Variants in TPRG1 observed in about 807,000 individuals in gnomAD.
The protein encoded by TPRG1 is tumor protein p63-regulated gene 1 protein.
A neutral mutation model predicts 29.3 loss-of-function variants in TPRG1; 29 were observed. That is an observed-to-expected ratio of 0.99 (90% confidence interval 0.74 to 1.35). TPRG1 has a LOEUF of 1.35. TPRG1 is among the 40% of genes most tolerant of loss of function. The pLI is 0.00. For missense variants in TPRG1, 327 were observed against 335.0 expected (o/e 0.98, Z 0.19); for synonymous variants, 130 against 116.8 (o/e 1.11, Z -0.73).
At chr3:189,114,271 GT>G (rs1183061862) in intron 1 of TPRG1, among the ~76,000 whole-genome samples, 1 of 65,604 alleles carries the variant, frequency 1.5e-5, no homozygotes, top group Non-Finnish European at 2.5e-5. Flanking sequence ...GATGTTGCTT[GT>G]TTGTTTGTTT....
chr3:189,304,328 A>G (rs1463260767), intron 4 of TPRG1, among the ~76,000 whole-genome samples: 1 of 152,142 alleles, frequency 6.6e-6, no homozygotes, highest in East Asian at 1.9e-4. Flanking sequence ...AGGCCTTCTA[A>G]TTCTCACTCA....
intron 1 of TPRG1, among the ~76,000 whole-genome samples, chr3:189,179,409 T>C (rs1205503499): frequency 6.6e-6 from 1 of 152,186 alleles, no homozygotes; most frequent in African/African-American, 2.4e-5. Context: ...ATATAAACCT[T>C]GTCTTTCAGC....
chr3:189,234,718 A>G (rs1268745693), intron 3 of TPRG1, among the ~76,000 whole-genome samples: 1 of 152,224 alleles, frequency 6.6e-6, no homozygotes, highest in Non-Finnish European at 1.5e-5. Context: ...CCTTGGAGAC[A>G]CAAGGCTAAG....
At position 189,324,623 on chromosome 3, in the gene TPRG1, C is replaced by G. The variant is rs1724575249; in HGVS notation, c.*3803C>G. ...AGCCAGCAGATATTTTGTAAGGCAG[C>G]TTCACCTCTGCTGGCATTTTGTGGG... On this transcript the variant is annotated 3_prime_UTR_variant, in exon 6 of 6. Coordinates refer to ENST00000345063, the MANE Select transcript of TPRG1 (RefSeq NM_198485.4). 6.6e-6 allele frequency: 1 copy of G among 152,162 alleles called. No individual in the cohort carries two copies. The highest frequency in any genetic ancestry group is 2.4e-5 in the African/African-American group (1 of 41,442). The allele number at this position is 152,162 out of a possible 1,614,324, so 9.4% of individuals were successfully genotyped here. A position where few individuals can be genotyped will look rare whatever the true frequency, so the allele number is the denominator to read the frequency against.
chr3:189,318,343 G>A (rs1269016009), intron 5 of TPRG1, among the ~76,000 whole-genome samples: 2 of 152,108 alleles, frequency 1.3e-5, no homozygotes, highest in Non-Finnish European at 2.9e-5. Flanking sequence ...ATATTTGAGT[G>A]GAGGTATAGG....
intron 1 of TPRG1, among the ~76,000 whole-genome samples, chr3:189,105,990 T>A (rs1430282834): frequency 6.6e-6 from 1 of 152,030 alleles, no homozygotes; most frequent in African/African-American, 2.4e-5. Flanking sequence ...CAAACCACCA[T>A]GATACATGTT....
chr3:189,165,632 C>T (rs1728076208), intron 5 of TPRG1, among the ~76,000 whole-genome samples: 2 of 152,032 alleles, frequency 1.3e-5, no homozygotes, highest in African/African-American at 4.8e-5. Context: ...CTAAAGGCTG[C>T]CCTGGCATGA....
At chr3:189,148,186 C>T (rs1285038074) in intron 4 of TPRG1, among the ~76,000 whole-genome samples, 2 of 152,120 alleles carry the variant, frequency 1.3e-5, no homozygotes, top group Admixed American at 6.6e-5. Context: ...GCAAAAATGT[C>T]CACACACTGC....
intron 5 of TPRG1, among the ~76,000 whole-genome samples, chr3:189,311,900 C>T (rs1450422084): frequency 6.6e-6 from 1 of 151,800 alleles, no homozygotes; most frequent in African/African-American, 2.4e-5. Context: ...AGAACAGACT[C>T]ACCCAGGGCT....
chr3:188,997,745 G>A (rs553491801), intron 1 of TPRG1, among the ~76,000 whole-genome samples: 13 of 152,256 alleles, frequency 8.5e-5, no homozygotes, highest in Admixed American at 7.2e-4. Flanking sequence ...ATATCTTCAT[G>A]AAGGGACATC....
intron 2 of TPRG1, among the ~76,000 whole-genome samples, chr3:189,214,370 T>C (rs2108834295): frequency 6.6e-6 from 1 of 152,286 alleles, no homozygotes; most frequent in South Asian, 2.1e-4. Context: ...AAGAAAGTAT[T>C]ATTTTTGAGA....
intron 4 of TPRG1, among the ~76,000 whole-genome samples, chr3:189,089,639 G>A (rs559301371): frequency 5.9e-5 from 9 of 152,230 alleles, no homozygotes; most frequent in African/African-American, 2.2e-4. Context: ...CACATGGTGG[G>A]GAGGCTGAGC....
chr3:189,115,659 A>G (rs955840302), intron 1 of TPRG1, among the ~76,000 whole-genome samples: 1 of 152,238 alleles, frequency 6.6e-6, no homozygotes, highest in African/African-American at 2.4e-5. Flanking sequence ...GTGTTCCACA[A>G]TGTTACAATG....
intron 1 of TPRG1, among the ~76,000 whole-genome samples, chr3:189,185,132 A>G (rs1730743064): frequency 6.6e-6 from 1 of 152,154 alleles, no homozygotes; most frequent in Admixed American, 6.5e-5. Context: ...TAGTCCTTCT[A>G]AGAACCTTGT....
intron 4 of TPRG1, among the ~76,000 whole-genome samples, chr3:189,284,663 A>T (rs1717750969): frequency 1.3e-5 from 2 of 152,182 alleles, no homozygotes; most frequent in African/African-American, 2.4e-5. Context: ...CGCAATAAAC[A>T]TATGTGTGCA....
At chr3:189,095,696 C>G (rs1322829608), upstream of TPRG1, among the ~76,000 whole-genome samples, 3 of 152,188 alleles carry the variant, frequency 2.0e-5, no homozygotes. Context: ...TCATAAGTCT[C>G]TGCGGGCAAA....
intron 4 of TPRG1, among the ~76,000 whole-genome samples, chr3:189,036,367 A>C (rs1714269639): frequency 6.6e-6 from 1 of 152,018 alleles, no homozygotes; most frequent in Admixed American, 6.6e-5. Context: ...TGTACACCAA[A>C]TCTCAGTGTC....
intron 1 of TPRG1, among the ~76,000 whole-genome samples, chr3:189,176,906 C>T (rs1729560143): frequency 6.6e-6 from 1 of 152,162 alleles, no homozygotes; most frequent in Non-Finnish European, 1.5e-5. Context: ...GACTTTCACT[C>T]TGATTGAAAT....
chr3:189,285,466 G>A (rs1717899365), intron 4 of TPRG1, among the ~76,000 whole-genome samples: 2 of 152,134 alleles, frequency 1.3e-5, no homozygotes, highest in South Asian at 2.1e-4. Flanking sequence ...ATAAAACAAA[G>A]TGTTCAGTGC....
Sources: gnomAD v4.1 joint callset for allele counts (sites outside exome capture counted in the v4.1 genomes callset) on GRCh38, gnomAD v4.1.1 for gene constraint, MANE v1.5 for transcripts, NCBI Gene and HGNC (gene_info 2026-07-23, HGNC 2026-07-21) for gene names.